Variants in AGBL1 observed in about 807,000 individuals in gnomAD.
AGBL1 encodes cytosolic carboxypeptidase 4.
A neutral mutation model predicts 118.9 loss-of-function variants in AGBL1; 130 were observed. The ratio of observed to expected loss-of-function variants is 1.09; its 90% CI spans 0.95 to 1.26. The LOEUF is 1.26. Among genes scored for constraint, AGBL1 ranks in the 50% most tolerant of loss-of-function variants. The pLI, the probability that AGBL1 is intolerant of heterozygous loss-of-function variation, is 0.00. For synonymous variants in AGBL1, 555 were observed against 478.9 expected, an observed-to-expected ratio of 1.16 and a Z score of -2.08; for missense variants, 1,584 against 1,298.1, an observed-to-expected ratio of 1.22 and a Z score of -3.38.
At chr15:86,312,999 A>G (rs2079943145) in intron 17 of AGBL1, among the ~76,000 whole-genome samples, 1 of 152,248 alleles carries the variant, frequency 6.6e-6, no homozygotes, top group Non-Finnish European at 1.5e-5. Context: ...ATAATGAGTG[A>G]TTCTAAAAAC....
chr15:87,018,189 C>T (rs894967922), intron 24 of AGBL1, among the ~76,000 whole-genome samples: 2 of 148,550 alleles, frequency 1.3e-5, no homozygotes, highest in Non-Finnish European at 2.9e-5. Context: ...AGTTGGAAAA[C>T]ATACTTCAGG....
intron 6 of AGBL1, among the ~76,000 whole-genome samples, chr15:86,226,449 C>G (rs1006721388): frequency 6.6e-6 from 1 of 152,120 alleles, no homozygotes; most frequent in South Asian, 2.1e-4. Context: ...GAAGGGAGCC[C>G]AGAGAGCTGA....
intron 22 of AGBL1, among the ~76,000 whole-genome samples, chr15:86,891,032 T>C (rs189386680): frequency 1.2e-3 from 182 of 152,322 alleles, no homozygotes; most frequent in African/African-American, 4.3e-3. Flanking sequence ...TCCATGAACA[T>C]GAAATGTTTT....
At chr15:86,149,095 C>T (rs1360498513) in intron 3 of AGBL1, among the ~76,000 whole-genome samples, 1 of 152,132 alleles carries the variant, frequency 6.6e-6, no homozygotes, top group African/African-American at 2.4e-5. Flanking sequence ...TTTGTCTCTA[C>T]CAGGCCTGCC....
At chr15:86,854,968 C>T (rs2079457739) in intron 22 of AGBL1, among the ~76,000 whole-genome samples, 1 of 152,232 alleles carries the variant, frequency 6.6e-6, no homozygotes, top group Admixed American at 6.5e-5. Context: ...TGCTACACCC[C>T]CCCACTGGTC....
intron 22 of AGBL1, among the ~76,000 whole-genome samples, chr15:86,803,625 A>G (rs2078679573): frequency 6.6e-6 from 1 of 152,128 alleles, no homozygotes; most frequent in Admixed American, 6.6e-5. Flanking sequence ...GTTGTACCTA[A>G]TCTTATGGTG....
rs11635881 is a variant in AGBL1, at chr15:86,079,963, C to T, written c.-10C>T. 763,772 of 1,231,226 alleles carry T rather than the reference C, an allele frequency of 0.62. 244,267 individuals carry two copies. The highest frequency in any genetic ancestry group is 0.66 in the Non-Finnish European group (651,641 of 987,310). 76.3% of individuals were successfully genotyped at this position (1,231,226 alleles called of 1,614,324 possible). A position where few individuals can be genotyped will look rare whatever the true frequency, so the allele number is the denominator to read the frequency against. On this transcript the variant is annotated 5_prime_UTR_variant, in exon 1 of 23. Transcript: ENST00000614907. ...CCGCAGGCAGCGGTTCCCTAGGACC[C>T]GAGAAAAGGATGGCCGAACAAGAAG...
At chr15:86,152,178 C>T (rs1679420999) in intron 3 of AGBL1, among the ~76,000 whole-genome samples, 1 of 152,090 alleles carries the variant, frequency 6.6e-6, no homozygotes, top group Admixed American at 6.6e-5. Flanking sequence ...TTTTAAATTT[C>T]ATATGGAATC....
intron 23 of AGBL1, among the ~76,000 whole-genome samples, chr15:86,977,593 G>A (rs1264584622): frequency 6.6e-6 from 1 of 151,450 alleles, no homozygotes; most frequent in Non-Finnish European, 1.5e-5. Flanking sequence ...TTACATTTCT[G>A]TTATTGCAAT....
At chr15:86,728,518 T>G (rs2086852258) in intron 22 of AGBL1, among the ~76,000 whole-genome samples, 1 of 152,136 alleles carries the variant, frequency 6.6e-6, no homozygotes. Flanking sequence ...CTCCAGCATC[T>G]TTTCAGCTGC....
intron 16 of AGBL1, among the ~76,000 whole-genome samples, chr15:86,285,901 G>A (rs1479246945): frequency 2.0e-5 from 3 of 152,012 alleles, no homozygotes; most frequent in African/African-American, 4.8e-5. Flanking sequence ...TTGACTTTTT[G>A]TCTCTCATAG....
At chr15:86,176,271 G>C (rs927283043) in intron 5 of AGBL1, among the ~76,000 whole-genome samples, 1 of 152,202 alleles carries the variant, frequency 6.6e-6, no homozygotes, top group African/African-American at 2.4e-5. Context: ...TTGATGTGTA[G>C]GTCCCTAGAT....
intron 6 of AGBL1, among the ~76,000 whole-genome samples, chr15:86,237,036 T>G (rs189555556): frequency 4.0e-4 from 60 of 151,006 alleles, no homozygotes; most frequent in Non-Finnish European, 6.2e-4. Flanking sequence ...TGGACTCAGT[T>G]TTTAATGGCC....
At chr15:86,475,937 C>T (rs529024615) in intron 18 of AGBL1, among the ~76,000 whole-genome samples, 15 of 152,230 alleles carry the variant, frequency 9.9e-5, no homozygotes, top group Middle Eastern at 3.4e-3. Flanking sequence ...CTTAAAGAAA[C>T]GAATTTTCAA....
intron 22 of AGBL1, among the ~76,000 whole-genome samples, chr15:86,877,537 G>C (rs537402427): frequency 1.3e-5 from 2 of 152,156 alleles, no homozygotes; most frequent in Non-Finnish European, 2.9e-5. Context: ...GTTACCGCTG[G>C]GGAAGGGATA....
At chr15:86,531,955 G>A (rs1252453369) in intron 19 of AGBL1, among the ~76,000 whole-genome samples, 14 of 151,380 alleles carry the variant, frequency 9.2e-5, no homozygotes, top group South Asian at 2.1e-4. Context: ...TTGATGGGAC[G>A]TATTTCAAAA....
chr15:86,892,422 A>C lies in AGBL1; in HGVS notation c.3159-14665A>C, dbSNP rs114674951. On this transcript the variant is annotated intron_variant, in intron 22 of 22. Coordinates refer to ENST00000614907, the MANE Select transcript of AGBL1 (RefSeq NM_001386094.1). The stretch of plus-strand genomic sequence containing the variant: ...ACCTCATTCCAGTTCTTCCTCAGGC[A>C]GAGTAGACCTTATCTATAAATATTT... Among the ~76,000 whole-genome samples the C allele has an allele frequency of 8.5e-3, 1,292 of 152,318 alleles. 16 individuals carry two copies. The highest frequency in any genetic ancestry group is 0.03 in the African/African-American group (1,248 of 41,570).
chr15:86,970,505 G>A (rs72755692), intron 23 of AGBL1, among the ~76,000 whole-genome samples: 5,943 of 152,002 alleles, frequency 0.039, 158 homozygotes, highest in Middle Eastern at 0.071. Flanking sequence ...GCTCAACGAC[G>A]TTGAGCTATG....
Position 86,264,468 on chromosome 15 carries a change from A to C in AGBL1, c.1297A>C (p.Asn433His). ...RSTVHLGSKK[N>H]PGVNLYQNVQ... ...CACTGTGCATCTAGGCTCCAAAAAAAATCCTGGAGTGAACCTGTACCAAAA... is the reference window on the plus strand; with the variant it reads ...CACTGTGCATCTAGGCTCCAAAAAACATCCTGGAGTGAACCTGTACCAAAA... The change falls in exon 11 of 23, where the codon AAT (asparagine) becomes CAT (histidine). Residue 433 changes from asparagine (N) to histidine (H), a missense_variant. Coordinates refer to ENST00000614907, the MANE Select transcript of AGBL1 (RefSeq NM_001386094.1). The C allele has an allele frequency of 6.2e-7, 1 of 1,614,046 alleles. No homozygotes were observed.
Sources: allele counts gnomAD v4.1 joint callset (sites outside exome capture counted in the v4.1 genomes callset), GRCh38; gene constraint gnomAD v4.1.1; transcripts MANE v1.5; gene names NCBI Gene and HGNC (gene_info 2026-07-23, HGNC 2026-07-21).